The following MAPK1IP1L variants were observed in gnomAD, a reference collection of about 807,000 sequenced individuals.
MAPK1IP1L encodes the protein mitogen-activated protein kinase 1 interacting protein 1 like, also known as MAPK-interacting and spindle-stabilizing protein-like.
A neutral mutation model predicts 18.1 loss-of-function variants in MAPK1IP1L; 10 were observed. The observed-to-expected ratio is 0.55, with a 90% confidence interval of 0.34 to 0.94. The LOEUF is 0.94. Among genes scored for constraint, MAPK1IP1L ranks in the 40% least tolerant of loss-of-function variants. MAPK1IP1L has a pLI of 0.02. For synonymous variants in MAPK1IP1L, 115 were observed against 117.3 expected, an observed-to-expected ratio of 0.98 and a Z score of 0.13; for missense variants, 260 against 318.2, an observed-to-expected ratio of 0.82 and a Z score of 1.39.
chr14:55,056,195 A>T (rs911118644), intron 1 of MAPK1IP1L, among the ~76,000 whole-genome samples: 5 of 152,188 alleles, frequency 3.3e-5, no homozygotes, highest in Admixed American at 3.3e-4. Context: ...GAACTTTAAA[A>T]TTTTGAAGTA....
At position 55,068,615 on chromosome 14, in the gene MAPK1IP1L, A is replaced by C. The variant is rs1170701429; in HGVS notation, c.*3988A>C. Reference sequence around the variant, plus strand: ...CAGATAAATCACACTGATATATTGTACTATGCATAGAAAGTTGTAGGTGGC... The same window carrying C: ...CAGATAAATCACACTGATATATTGTCCTATGCATAGAAAGTTGTAGGTGGC... On this transcript the variant is annotated 3_prime_UTR_variant, in exon 4 of 4. Coordinates refer to ENST00000395468, the MANE Select transcript of MAPK1IP1L (RefSeq NM_144578.4). The C allele has an allele frequency of 6.6e-6, 1 of 152,240 alleles. No homozygotes were observed. Among genetic ancestry groups the C allele is most frequent in the Non-Finnish European group, 1.5e-5 (1 of 68,042 alleles). The allele number at this position is 152,240 out of a possible 1,614,324, so 9.4% of individuals were successfully genotyped here.
At chr14:55,063,400 G>C (rs1435973271) in intron 3 of MAPK1IP1L, 75 bp downstream of exon 3, 1 of 1,326,812 alleles carries the variant, frequency 7.5e-7, no homozygotes, top group Non-Finnish European at 1.0e-6. Flanking sequence ...CCCAGTTTTG[G>C]ATGGAAGATT....
intron 1 of MAPK1IP1L, among the ~76,000 whole-genome samples, chr14:55,059,225 G>GAAAAAAAAAAAAAAAAAAAAAAACAAA (rs3078612): frequency 3.2e-5 from 2 of 63,280 alleles, no homozygotes; most frequent in African/African-American, 5.8e-5. Flanking sequence ...AGGAAAATCT[G>GAAAAAAAAAAAAAAAAAAAAAAACAAA]AAAAAAAAAA....
chr14:55,062,480 A>G, intron 2 of MAPK1IP1L, 138 bp from the exon 3 acceptor site: 1 of 708,604 alleles, frequency 1.4e-6, no homozygotes, highest in Non-Finnish European at 2.3e-6. Flanking sequence ...TATTTTTTAA[A>G]TGACTAGCTT....
In MAPK1IP1L at chr14:55,051,800, C is replaced by T; in HGVS notation, c.-8C>T. The T allele has an allele frequency of 2.0e-6, 1 of 495,300 alleles. No homozygotes were observed. The highest frequency in any genetic ancestry group is 2.0e-5 in the African/African-American group (1 of 49,404). The allele number at this position is 495,300 out of a possible 1,614,324, so 30.7% of individuals were successfully genotyped here. A position where few individuals can be genotyped will look rare whatever the true frequency, so the allele number is the denominator to read the frequency against. The stretch of plus-strand genomic sequence containing the variant: ...GACCCTACTGCGGTCTCGGATATTG[C>T]CGGGTGAGGCTGCTTCGGTACTAGT... On this transcript the variant is annotated 5_prime_UTR_variant, in exon 1 of 4. Transcript: ENST00000395468.
chr14:55,063,346 T>C (rs555521608), intron 3 of MAPK1IP1L, 21 bp downstream of exon 3: 1 of 1,568,644 alleles, frequency 6.4e-7, no homozygotes, highest in Admixed American at 1.8e-5. Context: ...AATTTGTTAT[T>C]TAAAGTGTAC....
intron 1 of MAPK1IP1L, among the ~76,000 whole-genome samples, chr14:55,055,253 T>C (rs534600725): frequency 2.6e-5 from 4 of 152,316 alleles, no homozygotes; most frequent in South Asian, 4.1e-4. Flanking sequence ...AGGTGCACAC[T>C]ACCAAGCGCG....
chr14:55,055,256 C>A (rs1440714726), intron 1 of MAPK1IP1L, among the ~76,000 whole-genome samples: 1 of 152,182 alleles, frequency 6.6e-6, no homozygotes. Context: ...TGCACACTAC[C>A]AAGCGCGGCT....
chr14:55,064,003 CTTTTTTTTTTTTTTT>C (rs71131249), intron 3 of MAPK1IP1L: 53 of 76,018 alleles, frequency 7.0e-4, no homozygotes, highest in South Asian at 9.7e-4. Flanking sequence ...TCTGTTAACT[CTTTTTTTTTTTTTTT>C]TTTTTTTTTT....
At chr14:55,060,201 G>A (rs114846279) in intron 1 of MAPK1IP1L, among the ~76,000 whole-genome samples, 4,684 of 106,422 alleles carry the variant, frequency 0.044, 204 homozygotes, top group African/African-American at 0.13. Flanking sequence ...ATATGGAGTA[G>A]CCCTCCGTTG....
Position 55,063,020 on chromosome 14 carries a change from C to G in MAPK1IP1L, c.421C>G (p.Pro141Ala). The G allele has an allele frequency of 1.2e-6, 2 of 1,613,950 alleles. No homozygotes were observed. The highest frequency in any genetic ancestry group is 8.5e-7 in the Non-Finnish European group (1 of 1,179,880). ...GAPTDPAAAGPLGPWGSMSSG... is the reference protein window; with the variant it reads ...GAPTDPAAAGALGPWGSMSSG... ...ACCCACAGATCCAGCTGCAGCTGGT[C>G]CTTTAGGTCCATGGGGATCCATGTC... Residue 141 changes from proline to alanine, a missense_variant, in exon 3 of 4, where the codon CCT (proline) becomes GCT (alanine). By Grantham distance (27) the Pro-to-Ala change is conservative. Transcript: ENST00000395468.
At chr14:55,057,636 G>C (rs1185360799) in intron 1 of MAPK1IP1L, among the ~76,000 whole-genome samples, 1 of 151,932 alleles carries the variant, frequency 6.6e-6, no homozygotes, top group Admixed American at 6.6e-5. Flanking sequence ...CGCACCTGTA[G>C]TCCCAGCTAC....
At position 55,064,716 on chromosome 14, in the gene MAPK1IP1L, A is replaced by G. The variant is rs2042849031; in HGVS notation, c.*89A>G. 3 of 1,249,228 alleles carry G rather than the reference A, an allele frequency of 2.4e-6. No individual in the cohort carries two copies. The highest frequency in any genetic ancestry group is 2.6e-5 in the South Asian group (2 of 77,768). 77.4% of individuals were successfully genotyped at this position (1,249,228 alleles called of 1,614,324 possible). On this transcript the variant is annotated 3_prime_UTR_variant, in exon 4 of 4. Transcript: ENST00000395468. ...ATATATAAAAATTGCTGGTTTCACTATTAGAGGGCATTCATGAAAGAACAA... is the reference window on the plus strand; with the variant it reads ...ATATATAAAAATTGCTGGTTTCACTGTTAGAGGGCATTCATGAAAGAACAA...
chr14:55,052,246 C>A (rs2042736318), intron 1 of MAPK1IP1L, among the ~76,000 whole-genome samples: 1 of 152,136 alleles, frequency 6.6e-6, no homozygotes, highest in Non-Finnish European at 1.5e-5. Flanking sequence ...CCCGATTTCC[C>A]CTCTACCCCC....
In MAPK1IP1L at chr14:55,064,936, T is replaced by C. The variant is rs1451919708; in HGVS notation, c.*309T>C. The C allele has an allele frequency of 3.9e-6, 1 of 255,444 alleles. No homozygotes were observed. The highest frequency in any genetic ancestry group is 7.3e-5 in the East Asian group (1 of 13,758). 15.8% of individuals were successfully genotyped at this position (255,444 alleles called of 1,614,324 possible). A position where few individuals can be genotyped will look rare whatever the true frequency, so the allele number is the denominator to read the frequency against. On this transcript the variant is annotated 3_prime_UTR_variant, in exon 4 of 4. Coordinates refer to ENST00000395468, the MANE Select transcript of MAPK1IP1L (RefSeq NM_144578.4). ...TTGTTTAAACTATGAAACTACACACTTAAAAATCTAAGATGTGGATTATTG... is the reference window on the plus strand; with the variant it reads ...TTGTTTAAACTATGAAACTACACACCTAAAAATCTAAGATGTGGATTATTG...
At chr14:55,061,759 T>G in intron 2 of MAPK1IP1L, 58 bp downstream of exon 2, 1 of 1,352,042 alleles carries the variant, frequency 7.4e-7, no homozygotes, top group Non-Finnish European at 1.0e-6. Context: ...AACAACATGG[T>G]CCTAACTGGG....
At chr14:55,054,511 A>G (rs2042755783) in intron 1 of MAPK1IP1L, among the ~76,000 whole-genome samples, 1 of 152,174 alleles carries the variant, frequency 6.6e-6, no homozygotes, top group Non-Finnish European at 1.5e-5. Flanking sequence ...AAAAATTTTG[A>G]TTTCGCTTAA....
chr14:55,064,140 G>A (rs1250710142), intron 3 of MAPK1IP1L, among the ~76,000 whole-genome samples: 19 of 149,412 alleles, frequency 1.3e-4, no homozygotes, highest in African/African-American at 4.5e-4. Context: ...GATTACAGGC[G>A]TGTGCCACCA....
chr14:55,061,320 ACT>A (rs1344753687), intron 1 of MAPK1IP1L, among the ~76,000 whole-genome samples: 1 of 152,140 alleles, frequency 6.6e-6, no homozygotes, highest in Non-Finnish European at 1.5e-5. Context: ...TTATCTGTTG[ACT>A]CTAAATTCCA....
Sources: gnomAD v4.1 joint callset for allele counts (sites outside exome capture counted in the v4.1 genomes callset) on GRCh38, gnomAD v4.1.1 for gene constraint, MANE v1.5 for transcripts, NCBI Gene and HGNC (gene_info 2026-07-23, HGNC 2026-07-21) for gene names.